The following EFCAB8 variants were observed in gnomAD, a reference collection of about 807,000 sequenced individuals.
The protein encoded by EFCAB8 is EF-hand calcium-binding domain-containing protein 8.
In EFCAB8, 100 loss-of-function variants were observed where a neutral mutation model predicts 116.3. The observed-to-expected ratio is 0.86, with a 90% confidence interval of 0.73 to 1.02. The LOEUF is 1.02. Ranked by LOEUF, EFCAB8 falls within the 50% of genes least tolerant of loss-of-function variation. The pLI is 0.00. For synonymous variants in EFCAB8, 558 were observed against 567.9 expected, an observed-to-expected ratio of 0.98 and a Z score of 0.25; for missense variants, 1,320 against 1,416.9, an observed-to-expected ratio of 0.93 and a Z score of 1.10.
intron 2 of EFCAB8, among the ~76,000 whole-genome samples, chr20:32,866,185 T>C (rs1251601649): frequency 6.6e-6 from 1 of 152,138 alleles, no homozygotes; most frequent in Non-Finnish European, 1.5e-5. Context: ...AGTCAATGTG[T>C]GTAGACGCTG....
chr20:32,892,398 G>A (rs1162559108), intron 8 of EFCAB8, 101 bp downstream of exon 8: 2 of 973,462 alleles, frequency 2.1e-6, no homozygotes, highest in East Asian at 5.3e-5. Flanking sequence ...AAGCCTCCTT[G>A]GAAAGATCTG....
Position 32,914,670 on chromosome 20 carries a change from A to C in EFCAB8, c.1856+1806A>C, listed in dbSNP as rs112065916. ...AGTGCAAGGGAAACTGCCACTTTTAAATCATCAGGTCTTGTGAGAACTCAC... is the reference window on the plus strand; with the variant it reads ...AGTGCAAGGGAAACTGCCACTTTTACATCATCAGGTCTTGTGAGAACTCAC... On this transcript the variant is annotated intron_variant, in intron 17 of 26. Transcript: ENST00000400522. 3.3e-5 allele frequency among the ~76,000 whole-genome samples: 5 copies of C among 152,208 alleles called. 1 individual carries two copies. The highest frequency in any genetic ancestry group is 1.2e-4 in the African/African-American group (5 of 41,538).
chr20:32,875,502 G>GTTTTTTTTTTTTGTTTTTTT (rs1984917651), intron 3 of EFCAB8, among the ~76,000 whole-genome samples: 1 of 89,890 alleles, frequency 1.1e-5, no homozygotes, highest in African/African-American at 3.4e-5. Context: ...AAACATGGTG[G>GTTTTTTTTTTTTGTTTTTTT]TTTTTTTTTT....
At chr20:32,951,629 A>AATAGAAACTGGTTATTGCATGTCAATT (rs1988803489) in intron 23 of EFCAB8, among the ~76,000 whole-genome samples, 2 of 152,230 alleles carry the variant, frequency 1.3e-5, no homozygotes, top group African/African-American at 2.4e-5. Context: ...GTACACATTA[A>AATAGAAACTGGTTATTGCATGTCAATT]ATAGAAACTG....
At chr20:32,957,266 T>C (rs1988998444) in intron 23 of EFCAB8, among the ~76,000 whole-genome samples, 1 of 152,034 alleles carries the variant, frequency 6.6e-6, no homozygotes, top group South Asian at 2.1e-4. Flanking sequence ...ATTTCTTCTC[T>C]TGATTATTGG....
chr20:32,862,366 G>A (rs1414774367), intron 1 of EFCAB8, among the ~76,000 whole-genome samples: 3 of 151,744 alleles, frequency 2.0e-5, no homozygotes, highest in South Asian at 4.2e-4. Context: ...GGATGCAAGC[G>A]ATCCTCCCGC....
Position 32,961,705 on chromosome 20 carries a change from G to A in EFCAB8, c.*96G>A, listed in dbSNP as rs1204764354. On this transcript the variant is annotated 3_prime_UTR_variant, in exon 27 of 27. Transcript: ENST00000400522. Reference sequence around the variant, plus strand: ...TTATTCCCTACCAGACCCAGAGGATGTGGCTCTTCCCCCGGCCACCCCACT... The same window carrying A: ...TTATTCCCTACCAGACCCAGAGGATATGGCTCTTCCCCCGGCCACCCCACT... The A allele has an allele frequency of 2.6e-6, 2 of 758,808 alleles. No individual in the cohort carries two copies. The highest frequency in any genetic ancestry group is 3.8e-5 in the Admixed American group (1 of 26,010). The allele number at this position is 758,808 out of a possible 1,614,324, so 47.0% of individuals were successfully genotyped here.
chr20:32,892,291 A>C lies in EFCAB8; in HGVS notation c.752A>C (p.Asp251Ala), dbSNP rs1460503392. The change falls in exon 8 of 27, where the codon GAC becomes GCC. Residue 251 changes from aspartate (D) to alanine (A), a missense_variant. By Grantham distance (126) the Asp-to-Ala change is moderately radical. Coordinates refer to ENST00000400522, the MANE Select transcript of EFCAB8 (RefSeq NM_001143967.2). ...CTGGACAGCTGTGCTCTGGTCATGG[A>C]CTACTGGTGAGTCTCCACTGGGTGT... ...VDLDSCALVM[D>A]YWSDYHRGVF... 6.4e-7 allele frequency: 1 copy of C among 1,551,432 alleles called. No homozygotes were observed.
intron 1 of EFCAB8, among the ~76,000 whole-genome samples, chr20:32,860,478 C>T (rs546429623): frequency 3.4e-4 from 47 of 139,782 alleles, no homozygotes; most frequent in South Asian, 1.4e-3. Context: ...TTTGTTCCAT[C>T]GCTGATGGTG....
chr20:32,902,999 G>A (rs996987860), intron 11 of EFCAB8, among the ~76,000 whole-genome samples: 1 of 152,192 alleles, frequency 6.6e-6, no homozygotes, highest in African/African-American at 2.4e-5. Flanking sequence ...TCTCCCACCT[G>A]AACTGCTTGC....
At chr20:32,897,401 C>G (rs540901345) in intron 10 of EFCAB8, among the ~76,000 whole-genome samples, 1 of 151,756 alleles carries the variant, frequency 6.6e-6, no homozygotes, top group East Asian at 1.9e-4. Flanking sequence ...GAATGACGCA[C>G]TCAGGGCGGT....
chr20:32,952,017 TG>T (rs1988811522), intron 23 of EFCAB8, among the ~76,000 whole-genome samples: 1 of 152,168 alleles, frequency 6.6e-6, no homozygotes, highest in Non-Finnish European at 1.5e-5. Flanking sequence ...ACCAGCACTT[TG>T]GGGGGCCAAA....
At chr20:32,944,000 A>G (rs1293818816) in intron 23 of EFCAB8, among the ~76,000 whole-genome samples, 196 bp downstream of exon 23, 1 of 152,184 alleles carries the variant, frequency 6.6e-6, no homozygotes, top group African/African-American at 2.4e-5. Context: ...CATCCACCCA[A>G]TATTATTCAC....
intron 5 of EFCAB8, among the ~76,000 whole-genome samples, chr20:32,883,258 T>C (rs1208093920): frequency 1.3e-5 from 2 of 152,196 alleles, no homozygotes; most frequent in Non-Finnish European, 2.9e-5. Flanking sequence ...GTCGTAGGGG[T>C]AGCTTCAGTT....
At position 32,885,657 on chromosome 20, in the gene EFCAB8, C is replaced by CA; in HGVS notation, c.567+18dup. 6.4e-7 allele frequency: 1 copy of CA among 1,551,610 alleles called. No homozygotes were observed. Among genetic ancestry groups the CA allele is most frequent in the Non-Finnish European group, 8.7e-7 (1 of 1,146,910 alleles). On this transcript the variant is annotated intron_variant, in intron 6 of 26. Transcript: ENST00000400522. ...TCCTTTAGGGTGAGTGGGGCCCCTACACATGGTGCACACATGGGTGATTGG... is the reference window on the plus strand; with the variant it reads ...TCCTTTAGGGTGAGTGGGGCCCCTACAACATGGTGCACACATGGGTGATTGG...
At chr20:32,864,874 T>C (rs1368130636) in intron 2 of EFCAB8, among the ~76,000 whole-genome samples, 1 of 152,150 alleles carries the variant, frequency 6.6e-6, no homozygotes, top group Non-Finnish European at 1.5e-5. Flanking sequence ...AGAGCTGTCA[T>C]TTATTGTGTA....
At chr20:32,942,026 T>C (rs1988425312) in intron 22 of EFCAB8, among the ~76,000 whole-genome samples, 1 of 152,238 alleles carries the variant, frequency 6.6e-6, no homozygotes, top group Non-Finnish European at 1.5e-5. Context: ...GCCTTTAATG[T>C]ATACTACAAA....
rs574521886 is a variant in EFCAB8 at position 32,895,860 on chromosome 20, C to T, written c.884-594C>T. The stretch of plus-strand genomic sequence containing the variant: ...TGCTGGGATTACAGGCGTGAGCCAC[C>T]GTGCCTGGCCCAGGCTGGTCTCTTA... On this transcript the variant is annotated intron_variant, in intron 9 of 26. Transcript: ENST00000400522. 8.6e-5 allele frequency among the ~76,000 whole-genome samples: 13 copies of T among 152,030 alleles called. No homozygotes were observed. In the East Asian group the frequency reaches 1.2e-3, roughly 14 times the overall value.
At chr20:32,905,438 A>G (rs1376773396) in intron 11 of EFCAB8, among the ~76,000 whole-genome samples, 1 of 152,086 alleles carries the variant, frequency 6.6e-6, no homozygotes, top group Non-Finnish European at 1.5e-5. Flanking sequence ...GTTTGTCCAG[A>G]TCCCCCTCTG....
Sources: gnomAD v4.1 joint callset for allele counts (sites outside exome capture counted in the v4.1 genomes callset) on GRCh38, gnomAD v4.1.1 for gene constraint, MANE v1.5 for transcripts, NCBI Gene and HGNC (gene_info 2026-07-23, HGNC 2026-07-21) for gene names.